LDLRAD4: variants seen among roughly 807,000 people sequenced by gnomAD.
The protein encoded by LDLRAD4 is low-density lipoprotein receptor class A domain-containing protein 4.
LDLRAD4 carries 5 observed loss-of-function variants against 17.0 expected under a neutral mutation model. The observed-to-expected ratio is 0.29, with a 90% CI of 0.15 to 0.62. The LOEUF is 0.62. Among genes scored for constraint, LDLRAD4 ranks in the 20% least tolerant of loss-of-function variants. The pLI is 0.84. For synonymous variants in LDLRAD4, 168 were observed against 171.8 expected (o/e 0.98, Z 0.17); for missense variants, 340 against 424.7 (o/e 0.80, Z 1.75).
rs142616468 is a variant in LDLRAD4 at position 13,588,789 on chromosome 18, G to C, written c.182-32328G>C. Among the ~76,000 whole-genome samples the C allele has an allele frequency of 5.1e-3, 776 of 152,234 alleles. 8 individuals carry two copies. The highest frequency in any genetic ancestry group is 0.018 in the African/African-American group (739 of 41,542). Reference sequence around the variant, plus strand: ...TTGAAACTATCTTGACCTTGTTTCAGAGAAAGTGGCTTCCCTAATCCTACA... The same window carrying C: ...TTGAAACTATCTTGACCTTGTTTCACAGAAAGTGGCTTCCCTAATCCTACA... On this transcript the variant is annotated intron_variant, in intron 3 of 5. Coordinates refer to ENST00000359446, the Ensembl canonical transcript of LDLRAD4.
upstream of LDLRAD4, among the ~76,000 whole-genome samples, chr18:13,274,427 G>T (rs1002137255): frequency 1.3e-5 from 2 of 152,216 alleles, no homozygotes; most frequent in Non-Finnish European, 2.9e-5. Flanking sequence ...CAGCTAGAGA[G>T]TTAAAGTTAT....
In LDLRAD4 at chr18:13,500,988, G is replaced by GC. The variant is rs1488648461; in HGVS notation, c.181+62608dup. 4 of 145,858 alleles carry GC rather than the reference G, an allele frequency of 2.7e-5. No individual in the cohort carries two copies. In the East Asian group the frequency reaches 8.4e-4, roughly 31 times the overall value. 9.0% of individuals were successfully genotyped at this position (145,858 alleles called of 1,614,324 possible). A position where few individuals can be genotyped will look rare whatever the true frequency, so the allele number is the denominator to read the frequency against. On this transcript the variant is annotated intron_variant, in intron 3 of 5. Coordinates refer to ENST00000359446, the Ensembl canonical transcript of LDLRAD4. The stretch of plus-strand genomic sequence containing the variant: ...GCCTTCAAGCCCCTCATGCCCACCC[G>GC]CCCCAAACCCATTGTCACTGCTAGG...
chr18:13,602,551 TG>T (rs1310156603), intron 3 of LDLRAD4, among the ~76,000 whole-genome samples: 1 of 136,300 alleles, frequency 7.3e-6, no homozygotes, highest in Admixed American at 8.7e-5. Context: ...CAGGCTGGAG[TG>T]GAGTGGCACA....
intron 3 of LDLRAD4, among the ~76,000 whole-genome samples, chr18:13,569,976 G>A (rs953159524): frequency 2.0e-5 from 3 of 152,210 alleles, no homozygotes; most frequent in Non-Finnish European, 2.9e-5. Flanking sequence ...AAGTATGCAT[G>A]GGGAAGCAAG....
intron 1 of LDLRAD4, among the ~76,000 whole-genome samples, chr18:13,359,525 A>AT (rs1384093019): frequency 1.3e-5 from 2 of 152,126 alleles, no homozygotes; most frequent in Non-Finnish European, 2.9e-5. Flanking sequence ...GAAAAAAAAA[A>AT]GCCATGTTCT....
intron 1 of LDLRAD4, among the ~76,000 whole-genome samples, chr18:13,247,638 T>C (rs2043020940): frequency 6.6e-6 from 1 of 152,146 alleles, no homozygotes; most frequent in Admixed American, 6.5e-5. Context: ...AAGGTGGTCT[T>C]AGTGAGGGGC....
Position 13,352,876 on chromosome 18 carries a change from A to G in LDLRAD4, c.-382-34465A>G, listed in dbSNP as rs146035476. Among the ~76,000 whole-genome samples the G allele has an allele frequency of 5.6e-3, 847 of 152,254 alleles. 2 individuals carry two copies. The highest frequency in any genetic ancestry group is 0.02 in the Middle Eastern group (6 of 294). On this transcript the variant is annotated intron_variant, in intron 1 of 5. Coordinates refer to ENST00000359446, the Ensembl canonical transcript of LDLRAD4. ...TTTGAGTTTGCTGTTGAGCTCCTGT[A>G]ATATATTTTTGAAAATATAGTAGCA... is the stretch of plus-strand genomic sequence containing the variant.
At chr18:13,416,593 T>A (rs2088917573) in intron 2 of LDLRAD4, among the ~76,000 whole-genome samples, 1 of 152,236 alleles carries the variant, frequency 6.6e-6, no homozygotes, top group African/African-American at 2.4e-5. Context: ...CTGACATCTG[T>A]GTTTCTTGGT....
intron 1 of LDLRAD4, among the ~76,000 whole-genome samples, chr18:13,226,371 G>T (rs1156403919): frequency 1.3e-5 from 2 of 151,350 alleles, no homozygotes; most frequent in Non-Finnish European, 2.9e-5. Context: ...GGGAAATTGG[G>T]GGCTATAAGA....
At chr18:13,266,335 G>C (rs924101173) in intron 1 of LDLRAD4, among the ~76,000 whole-genome samples, 3 of 152,202 alleles carry the variant, frequency 2.0e-5, no homozygotes, top group Non-Finnish European at 4.4e-5. Flanking sequence ...CTCGAGGGCA[G>C]GGCGTGGCTT....
chr18:13,580,002 A>G (rs2094833971), intron 3 of LDLRAD4, among the ~76,000 whole-genome samples: 1 of 151,994 alleles, frequency 6.6e-6, no homozygotes, highest in East Asian at 1.9e-4. Context: ...TCCTTCCTCT[A>G]GTTCACTGCA....
At chr18:13,329,533 A>T (rs2081733671) in intron 1 of LDLRAD4, among the ~76,000 whole-genome samples, 1 of 152,178 alleles carries the variant, frequency 6.6e-6, no homozygotes, top group Non-Finnish European at 1.5e-5. Flanking sequence ...CAAATCTATC[A>T]GTCTTTCCTT....
chr18:13,288,050 C>T (rs532649371), intron 1 of LDLRAD4, among the ~76,000 whole-genome samples: 2 of 152,286 alleles, frequency 1.3e-5, no homozygotes, highest in African/African-American at 4.8e-5. Context: ...CACTCTATTC[C>T]GTGAAGAAGG....
intron 3 of LDLRAD4, among the ~76,000 whole-genome samples, chr18:13,467,103 C>A (rs975542779): frequency 3.3e-5 from 5 of 152,210 alleles, no homozygotes; most frequent in African/African-American, 1.2e-4. Context: ...AGGATACCCA[C>A]TTTTACCAAT....
chr18:13,486,512 G>C (rs2093226083), intron 3 of LDLRAD4: 1 of 152,330 alleles, frequency 6.6e-6, no homozygotes, highest in African/African-American at 2.4e-5. Flanking sequence ...GCTCCACCAG[G>C]GAGAACGCGG....
intron 2 of LDLRAD4, among the ~76,000 whole-genome samples, chr18:13,405,145 TTAA>T (rs569632787): frequency 3.4e-4 from 52 of 151,778 alleles, no homozygotes; most frequent in Admixed American, 1.1e-3. Flanking sequence ...ATGTATAATA[TTAA>T]TATTATTAGT....
At chr18:13,436,989 T>A (rs776249353) in intron 2 of LDLRAD4, among the ~76,000 whole-genome samples, 1 of 152,274 alleles carries the variant, frequency 6.6e-6, no homozygotes, top group Non-Finnish European at 1.5e-5. Context: ...TTGTGTTTCT[T>A]TACAACAGGT....
At chr18:13,466,396 A>G (rs1033897915) in intron 3 of LDLRAD4, among the ~76,000 whole-genome samples, 1 of 149,598 alleles carries the variant, frequency 6.7e-6, no homozygotes, top group East Asian at 2.0e-4. Context: ...CCTGAGCCTA[A>G]GAGGTTGAGG....
At chr18:13,348,468 G>T (rs1206063930) in intron 1 of LDLRAD4, among the ~76,000 whole-genome samples, 1 of 152,208 alleles carries the variant, frequency 6.6e-6, no homozygotes, top group East Asian at 1.9e-4. Flanking sequence ...TGTGTGAGGT[G>T]TCAGTCTGCC....
Sources: allele counts gnomAD v4.1 joint callset (sites outside exome capture counted in the v4.1 genomes callset), GRCh38; gene constraint gnomAD v4.1.1; transcripts MANE v1.5; gene names NCBI Gene and HGNC (gene_info 2026-07-23, HGNC 2026-07-21).